The following GRM3 variants were observed in gnomAD, a reference collection of about 807,000 sequenced individuals.
The protein encoded by GRM3 is metabotropic glutamate receptor 3.
In GRM3, 26 loss-of-function variants were observed where a neutral mutation model predicts 70.5. That is an observed-to-expected ratio of 0.37 (90% CI 0.27 to 0.51). The LOEUF is 0.51. Ranked by LOEUF, GRM3 falls within the 20% of genes least tolerant of loss-of-function variation. GRM3 has a pLI of 0.93. For synonymous variants in GRM3, 443 were observed against 434.9 expected, an observed-to-expected ratio of 1.02 and a Z score of -0.23; for missense variants, 859 against 1,123.8, an observed-to-expected ratio of 0.76 and a Z score of 3.37.
At chr7:86,658,988 T>G (rs1471846522) in intron 1 of GRM3, among the ~76,000 whole-genome samples, 2 of 152,204 alleles carry the variant, frequency 1.3e-5, no homozygotes, top group Non-Finnish European at 2.9e-5. Context: ...TCTGTTCATC[T>G]TAAGCCATGT....
intron 1 of GRM3, among the ~76,000 whole-genome samples, chr7:86,746,375 A>ATATATATATATATATATATAT (rs1562846667): frequency 8.7e-5 from 12 of 137,156 alleles, no homozygotes; most frequent in East Asian, 2.1e-4. Context: ...ATATATATAT[A>ATATATATATATATATATATAT]ATCACTTCAA....
At chr7:86,817,580 A>G (rs1798041221) in intron 3 of GRM3, among the ~76,000 whole-genome samples, 1 of 151,996 alleles carries the variant, frequency 6.6e-6, no homozygotes, top group Non-Finnish European at 1.5e-5. Flanking sequence ...ACTATTATGG[A>G]AAATTTAAAG....
intron 4 of GRM3, among the ~76,000 whole-genome samples, chr7:86,841,986 C>A (rs1042504807): frequency 4.6e-5 from 7 of 152,084 alleles, no homozygotes; most frequent in Non-Finnish European, 1.0e-4. Flanking sequence ...AGAAATAATG[C>A]CAATCCTAAG....
intron 1 of GRM3, among the ~76,000 whole-genome samples, chr7:86,688,850 G>T (rs1255413894): frequency 6.8e-6 from 1 of 147,108 alleles, no homozygotes. Context: ...ACTTTTTAAG[G>T]GTTTTAAAAT....
chr7:86,802,672 A>G (rs575100700), intron 3 of GRM3, among the ~76,000 whole-genome samples: 103 of 152,168 alleles, frequency 6.8e-4, no homozygotes, highest in African/African-American at 2.2e-3. Context: ...TCTCTTCCCT[A>G]TCACACCATT....
At chr7:86,676,448 G>A (rs55660665) in intron 1 of GRM3, among the ~76,000 whole-genome samples, 44,977 of 151,672 alleles carry the variant, frequency 0.3, 8,493 homozygotes, top group East Asian at 0.72. Context: ...AATGGGGACT[G>A]TGAAAAATAC....
At chr7:86,693,671 G>A (rs1248386422) in intron 1 of GRM3, among the ~76,000 whole-genome samples, 1 of 152,166 alleles carries the variant, frequency 6.6e-6, no homozygotes, top group Admixed American at 6.5e-5. Flanking sequence ...CTCATGGTGT[G>A]AGAGAGATTA....
intron 1 of GRM3, among the ~76,000 whole-genome samples, chr7:86,741,719 T>C (rs1795995757): frequency 6.6e-6 from 1 of 152,084 alleles, no homozygotes; most frequent in South Asian, 2.1e-4. Context: ...TCTCAAGAAA[T>C]AGGGCCCAAC....
chr7:86,843,389 T>C (rs1244281669), intron 4 of GRM3, among the ~76,000 whole-genome samples: 1 of 151,948 alleles, frequency 6.6e-6, no homozygotes, highest in African/African-American at 2.4e-5. Flanking sequence ...AAGGGTAGAG[T>C]CTAAATCAAG....
At chr7:86,828,039 G>C (rs893895613) in intron 3 of GRM3, among the ~76,000 whole-genome samples, 1 of 150,060 alleles carries the variant, frequency 6.7e-6, no homozygotes, top group South Asian at 2.1e-4. Flanking sequence ...GTGAACCCGG[G>C]AGGCAGAGCT....
chr7:86,850,366 G>C lies in GRM3; in HGVS notation c.2392-4G>C. The C allele has an allele frequency of 6.2e-7, 1 of 1,610,674 alleles. No homozygotes were observed. The highest frequency in any genetic ancestry group is 8.5e-7 in the Non-Finnish European group (1 of 1,177,634). On this transcript the variant is annotated splice_region_variant and splice_polypyrimidine_tract_variant and intron_variant, in intron 4 of 5. Transcript: ENST00000361669. Reference sequence around the variant, plus strand: ...GACACTTACTAGCCAACCTTCTCTTGTAGGTGCAGACGACAACCATGTGCA... The same window carrying C: ...GACACTTACTAGCCAACCTTCTCTTCTAGGTGCAGACGACAACCATGTGCA...
intron 1 of GRM3, among the ~76,000 whole-genome samples, chr7:86,691,884 A>C (rs1392457600): frequency 2.0e-5 from 3 of 152,218 alleles, no homozygotes; most frequent in Non-Finnish European, 4.4e-5. Context: ...GCCAGTCTAC[A>C]GTATTCTGTT....
Position 86,772,524 on chromosome 7 carries a change from T to C in GRM3, c.468+6911T>C, listed in dbSNP as rs554705529. 4.6e-5 allele frequency among the ~76,000 whole-genome samples: 7 copies of C among 152,238 alleles called. No homozygotes were observed. The East Asian group carries it at 1.4e-3, about 29-fold the overall frequency. On this transcript the variant is annotated intron_variant, in intron 2 of 5. Coordinates refer to ENST00000361669, the MANE Select transcript of GRM3 (RefSeq NM_000840.3). ...AGCAGCTCTAGGGGTTCCATTCCAA[T>C]TGTACTTAGACCAACTATTCCAGAG... is the stretch of plus-strand genomic sequence containing the variant.
At chr7:86,714,014 A>G (rs148607630) in intron 1 of GRM3, among the ~76,000 whole-genome samples, 184 of 152,090 alleles carry the variant, frequency 1.2e-3, no homozygotes, top group African/African-American at 4.0e-3. Context: ...CTTATCTGAC[A>G]GACAACTCTG....
intron 2 of GRM3, among the ~76,000 whole-genome samples, chr7:86,770,789 C>T (rs1796720563): frequency 6.6e-6 from 1 of 152,076 alleles, no homozygotes; most frequent in Admixed American, 6.6e-5. Flanking sequence ...ATATAGTTAG[C>T]TGTCTCCAAG....
chr7:86,780,809 G>A (rs897035847), intron 2 of GRM3, among the ~76,000 whole-genome samples: 1 of 152,138 alleles, frequency 6.6e-6, no homozygotes, highest in Admixed American at 6.5e-5. Flanking sequence ...TCACCACAAA[G>A]CACAGACTGA....
At chr7:86,727,286 A>G (rs529543503) in intron 1 of GRM3, among the ~76,000 whole-genome samples, 83 of 152,100 alleles carry the variant, frequency 5.5e-4, no homozygotes, top group Non-Finnish European at 9.9e-4. Context: ...ATTGTGGTCT[A>G]CTCCCTAGCT....
intron 1 of GRM3, among the ~76,000 whole-genome samples, chr7:86,706,123 C>T (rs1023899664): frequency 2.0e-5 from 3 of 151,396 alleles, no homozygotes; most frequent in Admixed American, 6.6e-5. Context: ...TACTAAGAGA[C>T]ACAATTTATA....
chr7:86,751,775 G>A (rs960661086), intron 1 of GRM3, among the ~76,000 whole-genome samples: 2 of 152,016 alleles, frequency 1.3e-5, no homozygotes, highest in African/African-American at 4.8e-5. Context: ...TGAGAAGGAG[G>A]CCTCTGCACG....
Sources: allele counts gnomAD v4.1 joint callset (sites outside exome capture counted in the v4.1 genomes callset), GRCh38; gene constraint gnomAD v4.1.1; transcripts MANE v1.5; gene names NCBI Gene and HGNC (gene_info 2026-07-23, HGNC 2026-07-21).